The following CMSS1 variants were observed in gnomAD, a reference collection of about 807,000 sequenced individuals.
The protein encoded by CMSS1 is protein CMSS1.
In CMSS1, 33 loss-of-function variants were observed where a neutral mutation model predicts 43.5. That is an observed-to-expected ratio of 0.76 (90% CI 0.57 to 1.01). CMSS1 has a LOEUF of 1.01. Ranked by LOEUF, CMSS1 falls within the 50% of genes least tolerant of loss-of-function variation. The pLI, the probability that CMSS1 is intolerant of heterozygous loss-of-function variation, is 0.00. For synonymous variants in CMSS1, 115 were observed against 117.2 expected (o/e 0.98, Z 0.12); for missense variants, 313 against 326.4 (o/e 0.96, Z 0.32).
intron 1 of CMSS1, among the ~76,000 whole-genome samples, chr3:100,116,811 C>T (rs1312724397): frequency 6.6e-6 from 1 of 152,166 alleles, no homozygotes. Flanking sequence ...TATGTATTTG[C>T]TCATTGCCCC....
Position 100,023,718 on chromosome 3 carries a change from C to T in CMSS1, c.65-123255C>T, listed in dbSNP as rs562462549. On this transcript the variant is annotated intron_variant, in intron 1 of 9. Coordinates refer to ENST00000421999, the MANE Select transcript of CMSS1 (RefSeq NM_032359.4). ...CCATGATGTATGTCATGGTATGCTGCAGAAAATTACAGGCCTGGTCTCGCC... is the reference window on the plus strand; with the variant it reads ...CCATGATGTATGTCATGGTATGCTGTAGAAAATTACAGGCCTGGTCTCGCC... Among the ~76,000 whole-genome samples the T allele has an allele frequency of 1.1e-4, 17 of 152,180 alleles. No homozygotes were observed. The South Asian group carries it at 3.5e-3, about 32-fold the overall frequency.
intron 1 of CMSS1, among the ~76,000 whole-genome samples, chr3:99,966,272 G>A (rs558776336): frequency 6.6e-6 from 1 of 152,260 alleles, no homozygotes; most frequent in South Asian, 2.1e-4. Flanking sequence ...AAGTTGAAAT[G>A]GTCAACTCCA....
intron 1 of CMSS1, among the ~76,000 whole-genome samples, chr3:100,064,884 G>A (rs1320483032): frequency 2.0e-5 from 3 of 152,106 alleles, no homozygotes; most frequent in South Asian, 2.1e-4. Context: ...GGGGCCTGGG[G>A]GTGGGGTGGT....
chr3:99,847,121 A>G (rs557755983), intron 1 of CMSS1, among the ~76,000 whole-genome samples: 1 of 152,252 alleles, frequency 6.6e-6, no homozygotes, highest in South Asian at 2.1e-4. Context: ...ACTTCTTTCA[A>G]CTAACATACT....
At chr3:100,117,131 A>C (rs1006177060) in intron 1 of CMSS1, among the ~76,000 whole-genome samples, 3 of 152,172 alleles carry the variant, frequency 2.0e-5, no homozygotes, top group Admixed American at 6.6e-5. Context: ...CACACTGTGA[A>C]AGATAGACGT....
At chr3:99,825,196 G>A (rs893519163) in intron 1 of CMSS1, among the ~76,000 whole-genome samples, 1 of 152,160 alleles carries the variant, frequency 6.6e-6, no homozygotes, top group African/African-American at 2.4e-5. Context: ...CGACTTCTGG[G>A]CATGTTGTTT....
At chr3:99,983,468 A>G (rs12107752) in intron 1 of CMSS1, among the ~76,000 whole-genome samples, 670 of 6,012 alleles carry the variant, frequency 0.11, 15 homozygotes, top group East Asian at 0.34. Flanking sequence ...ATGTGTGTAT[A>G]TATATATATA....
At chr3:99,930,656 C>A in intron 1 of CMSS1, 1 of 1,144,016 alleles carries the variant, frequency 8.7e-7, no homozygotes, top group South Asian at 1.5e-5. Context: ...GCTTTGCTTT[C>A]ATGTACACAC....
intron 1 of CMSS1, among the ~76,000 whole-genome samples, chr3:99,965,517 T>C (rs1708623642): frequency 6.6e-6 from 1 of 152,208 alleles, no homozygotes; most frequent in South Asian, 2.1e-4. Flanking sequence ...TTCTTCCAGA[T>C]ACTTTTCTTC....
At chr3:99,979,043 G>A (rs1709047983) in intron 1 of CMSS1, among the ~76,000 whole-genome samples, 1 of 151,984 alleles carries the variant, frequency 6.6e-6, no homozygotes, top group Non-Finnish European at 1.5e-5. Flanking sequence ...GCGACTAGAG[G>A]GTGTAGTTAA....
chr3:99,992,012 G>A (rs369162314), intron 1 of CMSS1, among the ~76,000 whole-genome samples: 2 of 145,554 alleles, frequency 1.4e-5, no homozygotes, highest in Admixed American at 6.9e-5. Flanking sequence ...ATGTGTGTGT[G>A]TATATATATA....
intron 1 of CMSS1, among the ~76,000 whole-genome samples, chr3:100,117,846 T>TATATAC (rs1216409862): frequency 1.6e-3 from 146 of 93,830 alleles, no homozygotes; most frequent in Middle Eastern, 4.9e-3. Context: ...TATATATATA[T>TATATAC]ATATATACAT....
intron 1 of CMSS1, among the ~76,000 whole-genome samples, chr3:100,091,445 A>C (rs978823322): frequency 6.6e-6 from 1 of 152,238 alleles, no homozygotes; most frequent in Non-Finnish European, 1.5e-5. Context: ...GGGAAGAAGA[A>C]GTGTAAGAAA....
chr3:99,960,361 G>A (rs887842217), intron 1 of CMSS1, among the ~76,000 whole-genome samples: 16 of 152,130 alleles, frequency 1.1e-4, no homozygotes, highest in African/African-American at 3.6e-4. Flanking sequence ...GAACCTGGAT[G>A]TCAGATCAAA....
At chr3:100,018,802 C>A (rs1187943614) in intron 1 of CMSS1, among the ~76,000 whole-genome samples, 1 of 149,244 alleles carries the variant, frequency 6.7e-6, no homozygotes, top group Non-Finnish European at 1.5e-5. Context: ...TATTTGCAAA[C>A]CATGTATCAG....
At chr3:99,973,232 AT>A (rs550716881) in intron 1 of CMSS1, among the ~76,000 whole-genome samples, 2 of 152,062 alleles carry the variant, frequency 1.3e-5, no homozygotes, top group African/African-American at 4.8e-5. Flanking sequence ...ATGAATAAAA[AT>A]TTTTTTTCTC....
chr3:100,103,832 A>G (rs2066349619), intron 1 of CMSS1, among the ~76,000 whole-genome samples: 2 of 152,220 alleles, frequency 1.3e-5, no homozygotes, highest in South Asian at 4.1e-4. Flanking sequence ...ATCCTAAAGA[A>G]AAGAGTCTAT....
chr3:100,056,725 C>T (rs975975016), intron 1 of CMSS1, among the ~76,000 whole-genome samples: 18 of 151,146 alleles, frequency 1.2e-4, no homozygotes, highest in Non-Finnish European at 1.6e-4. Context: ...TGGGGCCGGG[C>T]GCGGTGGCTC....
Position 100,016,235 on chromosome 3 carries a change from C to T in CMSS1, c.65-130738C>T, listed in dbSNP as rs147291808. ...GAGACGCAGTTTCACTCTTGTTGCC[C>T]AGGCTGGAGTGCAATGGTGCGATCT... On this transcript the variant is annotated intron_variant, in intron 1 of 9. Transcript: ENST00000421999. Among the ~76,000 whole-genome samples, 143 of 152,258 alleles carry T rather than the reference C, an allele frequency of 9.4e-4. 1 individual carries two copies. Among genetic ancestry groups the T allele is most frequent in the East Asian group, 6.7e-3 (35 of 5,186 alleles).
Sources: gnomAD v4.1 joint callset for allele counts (sites outside exome capture counted in the v4.1 genomes callset) on GRCh38, gnomAD v4.1.1 for gene constraint, MANE v1.5 for transcripts, NCBI Gene and HGNC (gene_info 2026-07-23, HGNC 2026-07-21) for gene names.